MCF2L: variants seen among roughly 807,000 people sequenced by gnomAD.
The protein encoded by MCF2L is guanine nucleotide exchange factor DBS.
A neutral mutation model predicts 153.4 loss-of-function variants in MCF2L; 97 were observed. The observed-to-expected ratio is 0.63, with a 90% confidence interval of 0.54 to 0.75. The LOEUF (loss-of-function observed/expected upper bound fraction) is 0.75. Ranked by LOEUF, MCF2L falls within the 30% of genes least tolerant of loss-of-function variation. MCF2L has a pLI of 0.00. For missense variants in MCF2L, 1,347 were observed against 1,495.2 expected (o/e 0.90, Z 1.64); for synonymous variants, 659 against 632.2 (o/e 1.04, Z -0.64).
At chr13:113,089,845 A>G (rs1304980683) in intron 26 of MCF2L, 117 bp downstream of exon 26, 2 of 1,612,474 alleles carry the variant, frequency 1.2e-6, no homozygotes, top group East Asian at 2.2e-5. Flanking sequence ...TTTGCAGAGC[A>G]TTCAGGGCCC....
chr13:113,062,369 A>C (rs961393306), intron 5 of MCF2L, among the ~76,000 whole-genome samples: 2 of 151,898 alleles, frequency 1.3e-5, no homozygotes, highest in Non-Finnish European at 2.9e-5. Flanking sequence ...AGCGCCCCGC[A>C]GACAGCTACT....
At chr13:112,912,209 C>T (rs2081239854) in intron 2 of MCF2L, among the ~76,000 whole-genome samples, 1 of 152,198 alleles carries the variant, frequency 6.6e-6, no homozygotes, top group Non-Finnish European at 1.5e-5. Context: ...CCTTTCTCTT[C>T]AGGCAATTTC....
At chr13:112,911,258 G>A (rs2081228811) in intron 2 of MCF2L, among the ~76,000 whole-genome samples, 1 of 152,238 alleles carries the variant, frequency 6.6e-6, no homozygotes, top group Non-Finnish European at 1.5e-5. Flanking sequence ...ATGGCCAGAG[G>A]GAGCCCGTTT....
chr13:113,092,396 G>A (rs502219), intron 26 of MCF2L, among the ~76,000 whole-genome samples: 145,772 of 150,906 alleles, frequency 0.97, 70,343 homozygotes, highest in East Asian at 1. Context: ...GCCACTGCCC[G>A]TGGGTCATTT....
chr13:113,049,345 G>A (rs1184068382), intron 4 of MCF2L, among the ~76,000 whole-genome samples: 1 of 151,906 alleles, frequency 6.6e-6, no homozygotes, highest in Non-Finnish European at 1.5e-5. Context: ...AGTGGGGAAG[G>A]GGTGGGTGGT....
intron 1 of MCF2L, among the ~76,000 whole-genome samples, chr13:113,005,496 C>T (rs761143255): frequency 6.6e-6 from 1 of 151,850 alleles, no homozygotes; most frequent in Non-Finnish European, 1.5e-5. Context: ...TTTGTTGTGG[C>T]CATGGTTGGT....
intron 1 of MCF2L, chr13:113,001,573 A>T: frequency 1.9e-6 from 1 of 539,154 alleles, no homozygotes; most frequent in Non-Finnish European, 2.6e-6. Flanking sequence ...ACTTTGGCGG[A>T]GTGTGGGGCC....
chr13:113,078,618 T>C (rs1245438733), intron 14 of MCF2L, 48 bp from the exon 15 acceptor site: 1 of 1,556,286 alleles, frequency 6.4e-7, no homozygotes, highest in Non-Finnish European at 8.8e-7. Context: ...GAGTTGGCCC[T>C]TGAGGTTCCG....
At chr13:113,034,601 G>T (rs112627187) in intron 3 of MCF2L, among the ~76,000 whole-genome samples, 2 of 148,498 alleles carry the variant, frequency 1.3e-5, no homozygotes, top group South Asian at 2.1e-4. Flanking sequence ...TCTCACCCTC[G>T]CCCTCACCCT....
chr13:112,933,117 A>G (rs2081480267), intron 2 of MCF2L, among the ~76,000 whole-genome samples: 1 of 152,234 alleles, frequency 6.6e-6, no homozygotes, highest in African/African-American at 2.4e-5. Context: ...GAGGAGCAGG[A>G]GTGCTGGGCC....
At chr13:112,948,701 T>C (rs1356151897) in intron 2 of MCF2L, among the ~76,000 whole-genome samples, 2 of 152,164 alleles carry the variant, frequency 1.3e-5, no homozygotes, top group Non-Finnish European at 2.9e-5. Context: ...TCTACCTCTC[T>C]AGAAAATGAA....
At chr13:113,087,143 G>C in intron 21 of MCF2L, 92 bp from the exon 22 acceptor site, 3 of 1,131,790 alleles carry the variant, frequency 2.7e-6, no homozygotes, top group Non-Finnish European at 3.8e-6. Flanking sequence ...CCGTGGGTGG[G>C]CTTTGCAGAG....
chr13:112,973,659 C>T (rs1482244262), intron 1 of MCF2L, among the ~76,000 whole-genome samples: 4 of 152,220 alleles, frequency 2.6e-5, no homozygotes, highest in Non-Finnish European at 2.9e-5. Context: ...CACGGCTTCA[C>T]CTGTGGAACC....
rs372679863 is a variant in MCF2L at position 113,090,460 on chromosome 13, G to T, written c.2953+732G>T. On this transcript the variant is annotated intron_variant, in intron 26 of 29. Transcript: ENST00000535094. ...CTGCCCCCCACCCCCGCCTTCTCCC[G>T]CCTTCTCAGGTGAGTTCCCTGCAGG... 2.5e-5 allele frequency: 9 copies of T among 363,482 alleles called. No homozygotes were observed. In the African/African-American group the frequency reaches 6.2e-4, roughly 25 times the overall value. 22.5% of individuals were successfully genotyped at this position (363,482 alleles called of 1,614,324 possible).
chr13:112,930,454 G>A (rs969537182), intron 2 of MCF2L, among the ~76,000 whole-genome samples: 4 of 152,216 alleles, frequency 2.6e-5, no homozygotes, highest in Non-Finnish European at 4.4e-5. Flanking sequence ...GCCACAGACT[G>A]TATGATTCCA....
chr13:112,898,731 A>G (rs1032252086), intron 1 of MCF2L, among the ~76,000 whole-genome samples: 2 of 152,104 alleles, frequency 1.3e-5, no homozygotes, highest in Admixed American at 6.5e-5. Context: ...CAAGTCCCTG[A>G]GTCCCCAGCT....
At chr13:112,967,841 G>A (rs184960113), upstream of MCF2L, 1,620 of 156,430 alleles carry the variant, frequency 0.01, 54 homozygotes, top group African/African-American at 0.041. Flanking sequence ...CTGGAATGGT[G>A]CACGCATGCC....
chr13:112,933,637 T>C (rs558239081), intron 2 of MCF2L, among the ~76,000 whole-genome samples: 19 of 152,388 alleles, frequency 1.2e-4, no homozygotes, highest in African/African-American at 4.6e-4. Context: ...ATATTTCTAG[T>C]AGTGCACAAA....
chr13:112,895,415 C>G (rs1314696156), intron 1 of MCF2L, among the ~76,000 whole-genome samples: 1 of 152,104 alleles, frequency 6.6e-6, no homozygotes, highest in Non-Finnish European at 1.5e-5. Flanking sequence ...AAATGCAGTC[C>G]CCAGGGCTGC....
Sources: allele counts gnomAD v4.1 joint callset (sites outside exome capture counted in the v4.1 genomes callset), GRCh38; gene constraint gnomAD v4.1.1; transcripts MANE v1.5; gene names NCBI Gene and HGNC (gene_info 2026-07-23, HGNC 2026-07-21).